The following WASF2 variants were observed in gnomAD, a reference collection of about 807,000 sequenced individuals.
WASF2 encodes WASP family member 2.
Under a neutral mutation model 45.0 loss-of-function variants are expected in WASF2, and 14 were observed. The ratio of observed to expected loss-of-function variants is 0.31; its 90% CI spans 0.21 to 0.49. The LOEUF is 0.49. WASF2 is among the 20% of genes least tolerant of loss of function. The pLI, the probability that WASF2 is intolerant of heterozygous loss-of-function variation, is 0.99. For missense variants in WASF2, 439 were observed against 636.1 expected (o/e 0.69, Z 3.33); for synonymous variants, 200 against 236.3 (o/e 0.85, Z 1.41).
chr1:27,427,231 C>T (rs915119139), intron 2 of WASF2, among the ~76,000 whole-genome samples: 2 of 152,152 alleles, frequency 1.3e-5, no homozygotes, highest in Non-Finnish European at 2.9e-5. Flanking sequence ...TCAGCTTCCC[C>T]AAGATAGGAG....
intron 1 of WASF2, 130 bp from the exon 2 acceptor site, chr1:27,429,063 C>A: frequency 1.3e-6 from 1 of 789,058 alleles, no homozygotes; most frequent in Middle Eastern, 4.0e-4. Context: ...AATCTTCATT[C>A]TCCCTATCTT....
intron 1 of WASF2, among the ~76,000 whole-genome samples, chr1:27,432,572 T>C (rs1047925356): frequency 1.6e-5 from 2 of 125,664 alleles, no homozygotes; most frequent in African/African-American, 6.1e-5. Flanking sequence ...GGTGTGAACC[T>C]GGGAGGCGGA....
intron 1 of WASF2, among the ~76,000 whole-genome samples, chr1:27,456,132 C>T (rs2017463053): frequency 6.6e-6 from 1 of 151,886 alleles, no homozygotes; most frequent in Non-Finnish European, 1.5e-5. Context: ...ACCATCCTGG[C>T]TAACACAATA....
At chr1:27,444,911 A>C (rs2017292221) in intron 1 of WASF2, among the ~76,000 whole-genome samples, 1 of 152,236 alleles carries the variant, frequency 6.6e-6, no homozygotes, top group East Asian at 1.9e-4. Flanking sequence ...CACCACTTCT[A>C]AGAAGCCTTC....
chr1:27,467,509 G>C (rs1033518758), intron 1 of WASF2, among the ~76,000 whole-genome samples: 1 of 149,842 alleles, frequency 6.7e-6, no homozygotes, highest in African/African-American at 2.4e-5. Context: ...CACCGTGTTA[G>C]CCAGGATGGT....
chr1:27,486,465 G>T (rs1167034832), intron 1 of WASF2, among the ~76,000 whole-genome samples: 1 of 152,106 alleles, frequency 6.6e-6, no homozygotes, highest in African/African-American at 2.4e-5. Flanking sequence ...AATAAATTCA[G>T]TGTCTTCACA....
At chr1:27,454,183 ATATATTTTTTT>A (rs1174213108) in intron 1 of WASF2, among the ~76,000 whole-genome samples, 70 of 8,476 alleles carry the variant, frequency 8.3e-3, no homozygotes, top group African/African-American at 0.02. Flanking sequence ...ATATATATAT[ATATATTTTTTT>A]TTTTTTTTTT....
At chr1:27,446,433 G>A (rs1201124237) in intron 1 of WASF2, among the ~76,000 whole-genome samples, 2 of 152,126 alleles carry the variant, frequency 1.3e-5, no homozygotes, top group Non-Finnish European at 2.9e-5. Context: ...AAGAAGCCTA[G>A]AGATGAATTC....
At chr1:27,412,859 A>G (rs2016782983) in intron 6 of WASF2, 132 bp from the exon 7 acceptor site, 6 of 998,454 alleles carry the variant, frequency 6.0e-6, no homozygotes, top group Non-Finnish European at 9.0e-6. Context: ...TATTTCCCAC[A>G]TATTTTCTGT....
intron 1 of WASF2, among the ~76,000 whole-genome samples, chr1:27,437,090 C>T (rs539421877): frequency 2.0e-5 from 3 of 152,138 alleles, no homozygotes; most frequent in African/African-American, 7.2e-5. Flanking sequence ...AATTCCATAA[C>T]TTTTTATTAT....
rs1158450520 is a variant in WASF2, at chr1:27,406,032, AAGG to A, written c.*2154_*2156del. On this transcript the variant is annotated 3_prime_UTR_variant, in exon 9 of 9. Coordinates refer to ENST00000618852, the MANE Select transcript of WASF2 (RefSeq NM_006990.5). ...GGCTCTAGCTCTCCCTTTTCCGGGC[AAGG>A]AGGATGGGGGTAATTTAGTCAAAGC... 2.6e-5 allele frequency: 4 copies of A among 152,638 alleles called. No individual in the cohort carries two copies. The highest frequency in any genetic ancestry group is 9.7e-5 in the African/African-American group (4 of 41,398). 9.5% of individuals were successfully genotyped at this position (152,638 alleles called of 1,614,324 possible). A position where few individuals can be genotyped will look rare whatever the true frequency, so the allele number is the denominator to read the frequency against.
intron 1 of WASF2, among the ~76,000 whole-genome samples, chr1:27,436,070 A>G (rs1258172318): frequency 2.0e-5 from 3 of 152,216 alleles, no homozygotes; most frequent in African/African-American, 7.2e-5. Context: ...CCACTGTTCT[A>G]TAGTTAACAG....
intron 1 of WASF2, among the ~76,000 whole-genome samples, chr1:27,441,683 G>A (rs1182878204): frequency 2.6e-5 from 4 of 151,110 alleles, no homozygotes; most frequent in Non-Finnish European, 4.4e-5. Flanking sequence ...GAACCTGGGA[G>A]GCGGAGCTTG....
intron 4 of WASF2, 38 bp downstream of exon 4, chr1:27,418,231 C>T: frequency 6.3e-7 from 1 of 1,594,868 alleles, no homozygotes; most frequent in Non-Finnish European, 8.5e-7. Context: ...CGTTATTAAA[C>T]CATAGGTTGA....
At chr1:27,431,383 G>A (rs551875462) in intron 1 of WASF2, among the ~76,000 whole-genome samples, 1 of 152,310 alleles carries the variant, frequency 6.6e-6, no homozygotes, top group Non-Finnish European at 1.5e-5. Context: ...GGTAAAGAGA[G>A]TTTAGAACAG....
At chr1:27,438,712 A>G (rs777938953) in intron 1 of WASF2, among the ~76,000 whole-genome samples, 3 of 152,246 alleles carry the variant, frequency 2.0e-5, no homozygotes, top group Non-Finnish European at 4.4e-5. Context: ...TAATACACCA[A>G]CTTAAGTGAG....
At chr1:27,474,903 G>A (rs1456910221) in intron 1 of WASF2, among the ~76,000 whole-genome samples, 1 of 152,182 alleles carries the variant, frequency 6.6e-6, no homozygotes, top group African/African-American at 2.4e-5. Context: ...AGTGAGCCAT[G>A]ATCGCACCAC....
rs556375490 is a variant in WASF2, at chr1:27,405,934, C to T, written c.*2255G>A. 1 of 152,472 alleles carries T rather than the reference C, an allele frequency of 6.6e-6. No homozygotes were observed. Among genetic ancestry groups the T allele is most frequent in the Non-Finnish European group, 1.5e-5 (1 of 68,018 alleles). 9.4% of individuals were successfully genotyped at this position (152,472 alleles called of 1,614,324 possible). On this transcript the variant is annotated 3_prime_UTR_variant, in exon 9 of 9. Transcript: ENST00000618852. ...CTCCTCCTGCCCCCAGCCCTTTCCA[C>T]GATGGACTCAGTCCATTCCAGAAGC...
At position 27,467,636 on chromosome 1, in the gene WASF2, G is replaced by A. The variant is rs530613912; in HGVS notation, c.-44+22350C>T. ...ATATTATTAAAATGAATTTCCGGGG[G>A]GCGCAGTGGCTCACACGTGTAATCC... On this transcript the variant is annotated intron_variant, in intron 1 of 8. Coordinates refer to ENST00000618852, the MANE Select transcript of WASF2 (RefSeq NM_006990.5). Among the ~76,000 whole-genome samples, 90 of 151,484 alleles carry A rather than the reference G, an allele frequency of 5.9e-4. 1 individual carries two copies. Among genetic ancestry groups the A allele is most frequent in the Non-Finnish European group, 4.4e-5 (3 of 67,892 alleles).
Sources: gnomAD v4.1 joint callset for allele counts (sites outside exome capture counted in the v4.1 genomes callset) on GRCh38, gnomAD v4.1.1 for gene constraint, MANE v1.5 for transcripts, NCBI Gene and HGNC (gene_info 2026-07-23, HGNC 2026-07-21) for gene names.